The following DLGAP1 variants were observed in gnomAD, a reference collection of about 807,000 sequenced individuals.
The protein encoded by DLGAP1 is DLG associated protein 1, also known as disks large-associated protein 1.
Under a neutral mutation model 90.8 loss-of-function variants are expected in DLGAP1, and 11 were observed. The observed-to-expected ratio is 0.12, with a 90% CI of 0.08 to 0.20. The LOEUF (loss-of-function observed/expected upper bound fraction) is 0.20. Among genes scored for constraint, DLGAP1 ranks in the 10% least tolerant of loss-of-function variants. DLGAP1 has a pLI of 1.00. For synonymous variants in DLGAP1, 558 were observed against 540.7 expected (o/e 1.03, Z -0.44); for missense variants, 1,050 against 1,333.8 (o/e 0.79, Z 3.31).
chr18:4,130,870 C>T lies in DLGAP1; in HGVS notation c.-159+20310G>A, dbSNP rs773341317. ...CAGAGAATGCCTAGCAAGAAGTTGG[C>T]CTGTTGCAAAAACTGTGAGAAAATC... On this transcript the variant is annotated intron_variant, in intron 2 of 12. Coordinates refer to ENST00000315677, the MANE Select transcript of DLGAP1 (RefSeq NM_004746.4). 4.6e-5 allele frequency among the ~76,000 whole-genome samples: 7 copies of T among 152,152 alleles called. 1 individual carries two copies. The highest frequency in any genetic ancestry group is 2.4e-5 in the African/African-American group (1 of 41,502).
chr18:3,882,281 AAT>A (rs1287874388), intron 3 of DLGAP1, among the ~76,000 whole-genome samples: 1 of 152,058 alleles, frequency 6.6e-6, no homozygotes, highest in African/African-American at 2.4e-5. Context: ...TGACGCCTGT[AAT>A]CCCAGCACTT....
chr18:4,066,853 C>T (rs1056211284), intron 2 of DLGAP1, among the ~76,000 whole-genome samples: 1 of 152,018 alleles, frequency 6.6e-6, no homozygotes. Context: ...ATAAATCATT[C>T]TACCAGAAAA....
chr18:4,044,384 A>C (rs2075018216), intron 2 of DLGAP1, among the ~76,000 whole-genome samples: 1 of 152,260 alleles, frequency 6.6e-6, no homozygotes, highest in Non-Finnish European at 1.5e-5. Flanking sequence ...AAATCAGCAC[A>C]GAAAACCAAG....
intron 7 of DLGAP1, among the ~76,000 whole-genome samples, chr18:3,671,534 C>T (rs2060089386): frequency 6.6e-6 from 1 of 151,328 alleles, no homozygotes; most frequent in Non-Finnish European, 1.5e-5. Flanking sequence ...TGCATGTTTT[C>T]CTGCTTCATG....
intron 1 of DLGAP1, among the ~76,000 whole-genome samples, chr18:4,413,036 T>TG (rs1320678966): frequency 6.6e-6 from 1 of 152,158 alleles, no homozygotes; most frequent in African/African-American, 2.4e-5. Flanking sequence ...GGGAATTCAC[T>TG]GGGGCGTTTT....
intron 2 of DLGAP1, among the ~76,000 whole-genome samples, chr18:4,048,885 C>A (rs919784594): frequency 1.3e-4 from 20 of 152,290 alleles, no homozygotes; most frequent in Middle Eastern, 3.4e-3. Context: ...ATATTTCTAT[C>A]TTTTGCAAGT....
At position 4,048,993 on chromosome 18, in the gene DLGAP1, G is replaced by A. The variant is rs547802553; in HGVS notation, c.-158-43792C>T. ...TGTAATCCTGGCACTTTGGGAGGCCGAGGGAGGCAGATCGCTTGAGGTCAG... is the reference window on the plus strand; with the variant it reads ...TGTAATCCTGGCACTTTGGGAGGCCAAGGGAGGCAGATCGCTTGAGGTCAG... On this transcript the variant is annotated intron_variant, in intron 2 of 12. Coordinates refer to ENST00000315677, the MANE Select transcript of DLGAP1 (RefSeq NM_004746.4). Among the ~76,000 whole-genome samples, 17 of 152,276 alleles carry A rather than the reference G, an allele frequency of 1.1e-4. 3 individuals carry two copies. Among genetic ancestry groups the A allele is most frequent in the East Asian group, 1.9e-4 (1 of 5,180 alleles).
chr18:3,990,698 G>A (rs965102855), intron 3 of DLGAP1, among the ~76,000 whole-genome samples: 1 of 150,108 alleles, frequency 6.7e-6, no homozygotes, highest in Non-Finnish European at 1.5e-5. Context: ...TTTTGGTTGA[G>A]TATTAAAAGA....
chr18:3,863,259 C>T (rs926588295), intron 4 of DLGAP1, among the ~76,000 whole-genome samples: 4 of 152,148 alleles, frequency 2.6e-5, no homozygotes, highest in Non-Finnish European at 4.4e-5. Flanking sequence ...TTAAAAGGAA[C>T]CCTAGGGCTC....
intron 2 of DLGAP1, among the ~76,000 whole-genome samples, chr18:4,025,950 C>T (rs1475221513): frequency 6.6e-6 from 1 of 152,184 alleles, no homozygotes; most frequent in East Asian, 1.9e-4. Flanking sequence ...CAAATATAGA[C>T]AGCCATAAGA....
intron 12 of DLGAP1, among the ~76,000 whole-genome samples, chr18:3,501,454 A>C (rs2049929605): frequency 6.6e-6 from 1 of 152,110 alleles, no homozygotes; most frequent in Non-Finnish European, 1.5e-5. Context: ...TACGACCCCC[A>C]TTTTGATGGT....
intron 1 of DLGAP1, among the ~76,000 whole-genome samples, chr18:4,309,711 A>G (rs2080351236): frequency 6.6e-6 from 1 of 152,176 alleles, no homozygotes; most frequent in African/African-American, 2.4e-5. Flanking sequence ...ATTTCTAGGA[A>G]TGAGGTCAAA....
chr18:3,969,010 CAAAGG>C, intron 3 of DLGAP1, among the ~76,000 whole-genome samples: 1 of 151,826 alleles, frequency 6.6e-6, no homozygotes, highest in African/African-American at 2.4e-5. Context: ...AGCGAGACAA[CAAAGG>C]AAAGAAGTTA....
At chr18:4,178,148 T>C (rs933449200) in intron 1 of DLGAP1, among the ~76,000 whole-genome samples, 2 of 150,564 alleles carry the variant, frequency 1.3e-5, no homozygotes, top group Admixed American at 6.7e-5. Flanking sequence ...CACTATAGGG[T>C]CTTACTCTCT....
intron 10 of DLGAP1, among the ~76,000 whole-genome samples, chr18:3,515,619 A>G (rs1257822355): frequency 2.6e-5 from 4 of 151,908 alleles, no homozygotes; most frequent in Admixed American, 6.6e-5. Context: ...TCTCTACTAA[A>G]AATACGAAAA....
In DLGAP1 at chr18:3,727,679, G is replaced by T. The variant is rs2062236285; in HGVS notation, c.1591+1456C>A. 1 of 152,106 alleles carries T rather than the reference G, an allele frequency of 6.6e-6. No individual in the cohort carries two copies. Among genetic ancestry groups the T allele is most frequent in the Non-Finnish European group, 1.5e-5 (1 of 68,024 alleles). 9.4% of individuals were successfully genotyped at this position (152,106 alleles called of 1,614,324 possible). On this transcript the variant is annotated intron_variant, in intron 7 of 12. Coordinates refer to ENST00000315677, the MANE Select transcript of DLGAP1 (RefSeq NM_004746.4). This position sits in a 1 kb window ranked among gnomAD's most constrained non-coding sequence, Gnocchi z 4.7. ...ACCTTCCAAATCACACTTACTGCAT[G>T]AATGCAAACACATACAAACATGCTC... is the stretch of plus-strand genomic sequence containing the variant.
chr18:3,789,466 A>G (rs1303662031), intron 5 of DLGAP1, among the ~76,000 whole-genome samples: 3 of 152,236 alleles, frequency 2.0e-5, no homozygotes, highest in Non-Finnish European at 4.4e-5. Flanking sequence ...CAAGCAGATA[A>G]TAGATGAATC....
chr18:3,550,316 C>T (rs527728613), intron 9 of DLGAP1, among the ~76,000 whole-genome samples: 23 of 152,256 alleles, frequency 1.5e-4, no homozygotes, highest in Admixed American at 1.5e-3. Flanking sequence ...GCCTCAACTT[C>T]CTGAGCTCAA....
chr18:4,216,847 T>G (rs1179617711), intron 1 of DLGAP1, among the ~76,000 whole-genome samples: 1 of 152,144 alleles, frequency 6.6e-6, no homozygotes, highest in Non-Finnish European at 1.5e-5. Flanking sequence ...GTGGGGTACA[T>G]TTATTGCAAT....
Sources: gnomAD v4.1 joint callset for allele counts (sites outside exome capture counted in the v4.1 genomes callset) on GRCh38, gnomAD v4.1.1 for gene constraint, Gnocchi (gnomAD v3.1) non-coding constraint, MANE v1.5 for transcripts, NCBI Gene and HGNC (gene_info 2026-07-23, HGNC 2026-07-21) for gene names.